The following DOC2B variants were observed in gnomAD, a reference collection of about 807,000 sequenced individuals.
DOC2B encodes the protein double C2-like domain-containing protein beta.
A neutral mutation model predicts 28.9 loss-of-function variants in DOC2B; 21 were observed. That is an observed-to-expected ratio of 0.73 (90% confidence interval 0.52 to 1.05). The LOEUF (loss-of-function observed/expected upper bound fraction) is 1.05, where lower values mean the gene tolerates loss of function less well. DOC2B is among the 50% of genes least tolerant of loss of function. The pLI, the probability that DOC2B is intolerant of heterozygous loss-of-function variation, is 0.00. For missense variants in DOC2B, 384 were observed against 421.1 expected, an observed-to-expected ratio of 0.91 and a Z score of 0.77; for synonymous variants, 194 against 178.1, an observed-to-expected ratio of 1.09 and a Z score of -0.71.
At chr17:156,159 C>A in intron 6 of DOC2B, 61 bp downstream of exon 6, 1 of 1,482,158 alleles carries the variant, frequency 6.7e-7, no homozygotes, top group South Asian at 1.3e-5. Context: ...GGAGCCGGCA[C>A]ACGGACCCCC....
chr17:166,290 C>T (rs2040263840), intron 2 of DOC2B, among the ~76,000 whole-genome samples: 1 of 152,258 alleles, frequency 6.6e-6, no homozygotes, highest in African/African-American at 2.4e-5. Flanking sequence ...GGGGTTCCGC[C>T]AGTGCCTCCA....
Position 162,063 on chromosome 17 carries a change from C to G in DOC2B, c.638+18G>C, listed in dbSNP as rs1555523318. ...TAGGGGTTGGGGAGGGAGCAGGCGGCCTGGGACCCTCACCCACCGCAGGGT... is the reference window on the plus strand; with the variant it reads ...TAGGGGTTGGGGAGGGAGCAGGCGGGCTGGGACCCTCACCCACCGCAGGGT... On this transcript the variant is annotated intron_variant, in intron 4 of 8. Transcript: ENST00000613549. 1 of 1,529,156 alleles carries G rather than the reference C, an allele frequency of 6.5e-7. No homozygotes were observed. The highest frequency in any genetic ancestry group is 1.4e-5 in the African/African-American group (1 of 72,542). The allele number at this position is 1,529,156 out of a possible 1,614,324, so 94.7% of individuals were successfully genotyped here.
rs138555050 is a variant in DOC2B, at chr17:174,316, C to T, written c.374-1700G>A. On this transcript the variant is annotated intron_variant, in intron 1 of 8. Transcript: ENST00000613549. ...TAACGTCTTTATGCCTCAGTTTACT[C>T]ATCTGTGAAATGGAGACAACGATAG... 1.7e-3 allele frequency among the ~76,000 whole-genome samples: 257 copies of T among 152,350 alleles called. 2 individuals are homozygous for T. Among genetic ancestry groups the T allele is most frequent in the African/African-American group, 5.7e-3 (237 of 41,570 alleles).
At chr17:169,417 G>A (rs1037492796) in intron 2 of DOC2B, among the ~76,000 whole-genome samples, 1 of 151,780 alleles carries the variant, frequency 6.6e-6, no homozygotes, top group African/African-American at 2.4e-5. Flanking sequence ...AGAGGGCTCT[G>A]GAGATGGGTT....
At chr17:152,332 T>C (rs1169483954) in intron 6 of DOC2B, among the ~76,000 whole-genome samples, 1 of 152,176 alleles carries the variant, frequency 6.6e-6, no homozygotes, top group Non-Finnish European at 1.5e-5. Flanking sequence ...TCAGGGATAT[T>C]ACGTGTAACT....
At chr17:173,923 T>G (rs2040340586) in intron 1 of DOC2B, among the ~76,000 whole-genome samples, 1 of 152,240 alleles carries the variant, frequency 6.6e-6, no homozygotes, top group Admixed American at 6.5e-5. Flanking sequence ...GCCCATCATT[T>G]ACATCTCTTC....
intron 6 of DOC2B, among the ~76,000 whole-genome samples, chr17:151,233 G>A (rs558340419): frequency 1.9e-4 from 29 of 152,232 alleles, no homozygotes; most frequent in Non-Finnish European, 3.2e-4. Context: ...TTGCGCCACT[G>A]CACTTTGGCC....
chr17:173,392 A>G (rs138523933), intron 1 of DOC2B, among the ~76,000 whole-genome samples: 8,418 of 152,236 alleles, frequency 0.055, 253 homozygotes, highest in Non-Finnish European at 0.065. Flanking sequence ...GGCAGAGCTT[A>G]GTGGCAGTCC....
chr17:159,200 A>G (rs1034123136), intron 5 of DOC2B, among the ~76,000 whole-genome samples: 3 of 151,780 alleles, frequency 2.0e-5, no homozygotes, highest in Non-Finnish European at 4.4e-5. Context: ...TCTAAAACCT[A>G]CCGCCAGAGG....
Position 147,409 on chromosome 17 carries a change from G to A in DOC2B, c.*32C>T, listed in dbSNP as rs2040027588. The stretch of plus-strand genomic sequence containing the variant: ...CCGGGGCCGGCCGTGCTGGGCGCAG[G>A]TGGCGGCAGGGGTAGCAGTGGCGGG... On this transcript the variant is annotated 3_prime_UTR_variant, in exon 9 of 9. Coordinates refer to ENST00000613549, the MANE Select transcript of DOC2B (RefSeq NM_003585.5). 2.5e-6 allele frequency: 1 copy of A among 398,826 alleles called. No homozygotes were observed. The highest frequency in any genetic ancestry group is 4.4e-6 in the Non-Finnish European group (1 of 226,298). The allele number at this position is 398,826 out of a possible 1,614,324, so 24.7% of individuals were successfully genotyped here.
rs928527362 is a variant in DOC2B, at chr17:143,642, C to G, written c.*3799G>C. 2 of 152,192 alleles carry G rather than the reference C, an allele frequency of 1.3e-5. No homozygotes were observed. The highest frequency in any genetic ancestry group is 4.1e-4 in the South Asian group (2 of 4,828). 9.4% of individuals were successfully genotyped at this position (152,192 alleles called of 1,614,324 possible). A position where few individuals can be genotyped will look rare whatever the true frequency, so the allele number is the denominator to read the frequency against. ...GGACTTACAGGCGTGAGCCACCGCCCCCACCCCTTCAAATCTATTAAAAGG... is the reference window on the plus strand; with the variant it reads ...GGACTTACAGGCGTGAGCCACCGCCGCCACCCCTTCAAATCTATTAAAAGG... On this transcript the variant is annotated 3_prime_UTR_variant, in exon 9 of 9. Coordinates refer to ENST00000613549, the MANE Select transcript of DOC2B (RefSeq NM_003585.5).
intron 6 of DOC2B, among the ~76,000 whole-genome samples, chr17:149,589 T>A (rs1378406254): frequency 4.6e-5 from 7 of 152,024 alleles, no homozygotes; most frequent in Non-Finnish European, 1.0e-4. Flanking sequence ...GACTGCAACC[T>A]CTGCCTCCCG....
chr17:155,326 T>A (rs536077638), intron 6 of DOC2B, among the ~76,000 whole-genome samples: 1 of 152,244 alleles, frequency 6.6e-6, no homozygotes, highest in African/African-American at 2.4e-5. Flanking sequence ...AATATGATCA[T>A]GGCCATGGGA....
intron 5 of DOC2B, among the ~76,000 whole-genome samples, chr17:159,041 T>A (rs866665031): frequency 2.6e-4 from 36 of 139,720 alleles, no homozygotes; most frequent in Middle Eastern, 3.8e-3. Flanking sequence ...CTCCATCTCA[T>A]AAAAAAAAAA....
chr17:174,380 G>A (rs897794087), intron 1 of DOC2B, among the ~76,000 whole-genome samples: 1 of 152,202 alleles, frequency 6.6e-6, no homozygotes, highest in Admixed American at 6.5e-5. Context: ...GGTGTAGGAG[G>A]TGCTCAGTAG....
intron 5 of DOC2B, among the ~76,000 whole-genome samples, chr17:158,732 G>C (rs1185274745): frequency 6.6e-6 from 1 of 152,186 alleles, no homozygotes; most frequent in African/African-American, 2.4e-5. Context: ...AGTGTGTGTG[G>C]TGTGAAAATT....
chr17:181,168 C>T lies in DOC2B; in HGVS notation c.312G>A (p.Arg104=). 2 of 1,252,478 alleles carry T rather than the reference C, an allele frequency of 1.6e-6. No individual in the cohort carries two copies. Among genetic ancestry groups the T allele is most frequent in the South Asian group, 3.0e-5 (1 of 33,078 alleles). 77.6% of individuals were successfully genotyped at this position (1,252,478 alleles called of 1,614,324 possible). The change falls in exon 1 of 9, where the codon CGG becomes CGA. Residue 104 remains arginine, a synonymous_variant. Transcript: ENST00000613549. This position sits in a 1 kb window ranked among gnomAD's most constrained non-coding sequence, Gnocchi z 7.0. The part of the protein sequence containing the change: ...PGPSPGPSPA[R]PPAKPPEDEP... ...CGTCCTCCGGCGGCTTGGCTGGCGGCCGCGCGGGGCTGGGACCCGGGCTGG... is the reference window on the plus strand; with the variant it reads ...CGTCCTCCGGCGGCTTGGCTGGCGGTCGCGCGGGGCTGGGACCCGGGCTGG...
At chr17:157,519 T>C (rs939052168) in intron 5 of DOC2B, among the ~76,000 whole-genome samples, 2 of 152,186 alleles carry the variant, frequency 1.3e-5, no homozygotes, top group African/African-American at 2.4e-5. Flanking sequence ...TGGAGTGCAG[T>C]GGCATGATCT....
At chr17:154,654 G>A (rs1373268487) in intron 6 of DOC2B, among the ~76,000 whole-genome samples, 1 of 152,196 alleles carries the variant, frequency 6.6e-6, no homozygotes, top group Non-Finnish European at 1.5e-5. Context: ...AGATCAAATG[G>A]TGATTCTGTG....
Sources: gnomAD v4.1 joint callset for allele counts (sites outside exome capture counted in the v4.1 genomes callset) on GRCh38, gnomAD v4.1.1 for gene constraint, Gnocchi (gnomAD v3.1) non-coding constraint, MANE v1.5 for transcripts, NCBI Gene and HGNC (gene_info 2026-07-23, HGNC 2026-07-21) for gene names.